FOXP1: variants seen among roughly 807,000 people sequenced by gnomAD.
FOXP1 encodes forkhead box P1, also known as forkhead box protein P1.
Under a neutral mutation model 98.2 loss-of-function variants are expected in FOXP1, and 15 were observed. The observed-to-expected ratio is 0.15, with a 90% CI of 0.10 to 0.24. The LOEUF (loss-of-function observed/expected upper bound fraction) is 0.24, where lower values mean the gene tolerates loss of function less well. FOXP1 is among the 10% of genes least tolerant of loss of function. FOXP1 has a pLI of 1.00. For synonymous variants in FOXP1, 371 were observed against 314.5 expected (o/e 1.18, Z -1.90); for missense variants, 633 against 848.5 (o/e 0.75, Z 3.15).
intron 4 of FOXP1, among the ~76,000 whole-genome samples, chr3:71,329,466 G>A (rs2076158759): frequency 6.6e-6 from 1 of 151,318 alleles, no homozygotes; most frequent in Non-Finnish European, 1.5e-5. Context: ...GTGATCACCC[G>A]TCTCAGCCTC....
At chr3:71,514,161 C>T (rs947053744) in intron 2 of FOXP1, among the ~76,000 whole-genome samples, 10 of 152,224 alleles carry the variant, frequency 6.6e-5, no homozygotes, top group Non-Finnish European at 1.3e-4. Context: ...GTCCACTCCT[C>T]TTGGCCACAG....
At chr3:71,315,104 AAAAG>A (rs869278836) in intron 4 of FOXP1, among the ~76,000 whole-genome samples, 27 of 133,720 alleles carry the variant, frequency 2.0e-4, no homozygotes, top group African/African-American at 6.3e-4. Context: ...AAAAAAAAAA[AAAAG>A]AAAGAAAGAA....
At chr3:71,108,470 T>C (rs899963067) in intron 7 of FOXP1, among the ~76,000 whole-genome samples, 1 of 152,216 alleles carries the variant, frequency 6.6e-6, no homozygotes, top group Non-Finnish European at 1.5e-5. Context: ...TAAATATTTA[T>C]AGAAGAAAGC....
chr3:71,548,771 C>A (rs540646109), intron 2 of FOXP1, among the ~76,000 whole-genome samples: 2 of 151,600 alleles, frequency 1.3e-5, no homozygotes, highest in Non-Finnish European at 2.9e-5. Flanking sequence ...TTTACCCCCC[C>A]AAAAGAAATG....
chr3:71,241,358 AAAT>A (rs1464130252), intron 5 of FOXP1, among the ~76,000 whole-genome samples: 1 of 152,194 alleles, frequency 6.6e-6, no homozygotes, highest in Non-Finnish European at 1.5e-5. Flanking sequence ...CCATCATTTT[AAAT>A]AATAGGTCCC....
At chr3:71,046,548 TA>T in intron 10 of FOXP1, among the ~76,000 whole-genome samples, 1 of 152,308 alleles carries the variant, frequency 6.6e-6, no homozygotes, top group African/African-American at 2.4e-5. Flanking sequence ...TACTAAGATT[TA>T]AAATAGCACA....
At chr3:71,201,456 G>A (rs1034291396) in intron 5 of FOXP1, among the ~76,000 whole-genome samples, 1 of 152,050 alleles carries the variant, frequency 6.6e-6, no homozygotes, top group African/African-American at 2.4e-5. Flanking sequence ...GACCAGCCTG[G>A]CCAACATGGT....
At chr3:71,471,778 T>G (rs1319010096) in intron 3 of FOXP1, among the ~76,000 whole-genome samples, 1 of 152,200 alleles carries the variant, frequency 6.6e-6, no homozygotes, top group African/African-American at 2.4e-5. Flanking sequence ...TTAAGAATCA[T>G]ATAATCCTGG....
At chr3:71,180,084 A>G (rs1231878860) in intron 6 of FOXP1, among the ~76,000 whole-genome samples, 1 of 152,150 alleles carries the variant, frequency 6.6e-6, no homozygotes, top group Admixed American at 6.5e-5. Context: ...TCTCTCTGCC[A>G]ATATTTTATG....
chr3:71,223,767 A>G (rs1014661407), intron 5 of FOXP1, among the ~76,000 whole-genome samples: 34 of 152,104 alleles, frequency 2.2e-4, no homozygotes, highest in African/African-American at 8.2e-4. Flanking sequence ...TGCTGACCAA[A>G]GGTCAGGTTC....
chr3:71,463,467 G>A (rs2088369303), intron 3 of FOXP1, among the ~76,000 whole-genome samples: 1 of 151,828 alleles, frequency 6.6e-6, no homozygotes, highest in Non-Finnish European at 1.5e-5. Flanking sequence ...GGAAAATTCA[G>A]GGCCCTGCTG....
At chr3:71,154,724 G>A (rs1377221010) in intron 6 of FOXP1, among the ~76,000 whole-genome samples, 2 of 152,068 alleles carry the variant, frequency 1.3e-5, no homozygotes, top group Non-Finnish European at 2.9e-5. Context: ...ATAAAACTAG[G>A]TTTTTCCTTT....
At chr3:71,029,879 T>C (rs1238657112) in intron 11 of FOXP1, among the ~76,000 whole-genome samples, 1 of 152,226 alleles carries the variant, frequency 6.6e-6, no homozygotes, top group Non-Finnish European at 1.5e-5. Context: ...TATTATATAA[T>C]ACATGCTCAA....
In FOXP1 at chr3:71,381,050, A is replaced by G. The variant is rs564486091; in HGVS notation, c.-167-21806T>C. Among the ~76,000 whole-genome samples the G allele has an allele frequency of 3.8e-4, 58 of 152,252 alleles. 1 individual carries two copies. Among genetic ancestry groups the G allele is most frequent in the African/African-American group, 1.4e-3 (57 of 41,538 alleles). ...GAATGTCCTTTTTTCTTTTATCCACATCTGCACAACATTTGACCTGGTCGT... is the reference window on the plus strand; with the variant it reads ...GAATGTCCTTTTTTCTTTTATCCACGTCTGCACAACATTTGACCTGGTCGT... On this transcript the variant is annotated intron_variant, in intron 3 of 20. Transcript: ENST00000649528.
intron 11 of FOXP1, among the ~76,000 whole-genome samples, chr3:71,031,858 C>T (rs1401474153): frequency 6.6e-6 from 1 of 152,194 alleles, no homozygotes; most frequent in East Asian, 1.9e-4. Flanking sequence ...AACCACCCAG[C>T]CAGAAAGGTC....
intron 2 of FOXP1, among the ~76,000 whole-genome samples, chr3:71,507,582 CTT>C (rs1209581927): frequency 4.2e-5 from 6 of 144,416 alleles, no homozygotes; most frequent in Admixed American, 6.9e-5. Flanking sequence ...TGCAAAACTG[CTT>C]TTTTTTTTTT....
chr3:71,001,985 G>C (rs1337606528), intron 12 of FOXP1, among the ~76,000 whole-genome samples: 3 of 152,158 alleles, frequency 2.0e-5, no homozygotes, highest in Non-Finnish European at 1.5e-5. Flanking sequence ...TTGGATGTAA[G>C]ATAAAAATAG....
At chr3:71,366,676 T>A (rs1320502850) in intron 3 of FOXP1, among the ~76,000 whole-genome samples, 1 of 152,244 alleles carries the variant, frequency 6.6e-6, no homozygotes, top group Non-Finnish European at 1.5e-5. Flanking sequence ...TTTCTACTCA[T>A]TTATTAATGG....
At chr3:71,107,491 G>C (rs1452057880) in intron 7 of FOXP1, among the ~76,000 whole-genome samples, 2 of 151,914 alleles carry the variant, frequency 1.3e-5, no homozygotes, top group Non-Finnish European at 2.9e-5. Context: ...TTAGGGTTTT[G>C]GGATTCTCAA....
Sources: gnomAD v4.1 joint callset for allele counts (sites outside exome capture counted in the v4.1 genomes callset) on GRCh38, gnomAD v4.1.1 for gene constraint, MANE v1.5 for transcripts, NCBI Gene and HGNC (gene_info 2026-07-23, HGNC 2026-07-21) for gene names.